ADGRV1: variants seen among roughly 807,000 people sequenced by gnomAD.
ADGRV1 encodes the protein adhesion G protein-coupled receptor V1.
ADGRV1 carries 359 observed loss-of-function variants against 596.2 expected under a neutral mutation model. The observed-to-expected ratio is 0.60, with a 90% confidence interval of 0.55 to 0.66. The LOEUF (loss-of-function observed/expected upper bound fraction) is 0.66. ADGRV1 is among the 30% of genes least tolerant of loss of function. The probability of loss-of-function intolerance (pLI) is 0.00; values close to 1 mark genes in which losing one functional copy is unlikely to be tolerated. For synonymous variants in ADGRV1, 2,681 were observed against 2,679.2 expected (o/e 1.00, Z -0.02); for missense variants, 7,274 against 7,575.6 (o/e 0.96, Z 1.48).
chr5:90,997,988 AC>A (rs1309995855), intron 85 of ADGRV1, among the ~76,000 whole-genome samples: 1 of 152,210 alleles, frequency 6.6e-6, no homozygotes, highest in Non-Finnish European at 1.5e-5. Flanking sequence ...TTACATGTAA[AC>A]AATCAGACAA....
chr5:90,890,695 G>A (rs1770729798), intron 83 of ADGRV1, among the ~76,000 whole-genome samples: 1 of 152,108 alleles, frequency 6.6e-6, no homozygotes, highest in Non-Finnish European at 1.5e-5. Flanking sequence ...TAAATGTCTA[G>A]AAGGGTAATT....
intron 87 of ADGRV1, among the ~76,000 whole-genome samples, chr5:91,123,547 C>G (rs1793505785): frequency 6.6e-6 from 1 of 152,116 alleles, no homozygotes; most frequent in African/African-American, 2.4e-5. Flanking sequence ...CCTCCTAAGG[C>G]CCCACCTTTT....
intron 63 of ADGRV1, 29 bp downstream of exon 63, chr5:90,778,638 T>TA: frequency 6.8e-7 from 1 of 1,468,404 alleles, no homozygotes; most frequent in Non-Finnish European, 9.1e-7. Context: ...AAGATTTTAA[T>TA]ATCATTTTTA....
chr5:91,118,937 T>C (rs919558748), intron 87 of ADGRV1, among the ~76,000 whole-genome samples: 1 of 152,034 alleles, frequency 6.6e-6, no homozygotes, highest in African/African-American at 2.4e-5. Context: ...AACTTATCAT[T>C]TTCTTCTCCT....
intron 84 of ADGRV1, among the ~76,000 whole-genome samples, chr5:90,982,694 G>C (rs1420312359): frequency 6.6e-6 from 1 of 152,170 alleles, no homozygotes; most frequent in Non-Finnish European, 1.5e-5. Flanking sequence ...CAGTCGACCA[G>C]CTTAGACACT....
chr5:90,857,076 A>G (rs765406420), intron 82 of ADGRV1, among the ~76,000 whole-genome samples: 6 of 152,076 alleles, frequency 3.9e-5, no homozygotes, highest in Non-Finnish European at 8.8e-5. Flanking sequence ...ATGTATTTTA[A>G]TTCTGAACCT....
At chr5:90,595,159 G>T (rs1163778764) in intron 1 of ADGRV1, among the ~76,000 whole-genome samples, 1 of 99,806 alleles carries the variant, frequency 1.0e-5, no homozygotes, top group African/African-American at 4.5e-5. Context: ...GGCCGGGTGG[G>T]GGGCTGACCC....
At chr5:90,756,793 T>C in intron 56 of ADGRV1, 163 bp downstream of exon 56, 1 of 748,430 alleles carries the variant, frequency 1.3e-6, no homozygotes, top group Non-Finnish European at 2.1e-6. Context: ...GACCAAAGGA[T>C]TCAACAAGTT....
intron 85 of ADGRV1, among the ~76,000 whole-genome samples, chr5:91,035,234 T>C (rs745419772): frequency 2.6e-5 from 4 of 152,168 alleles, no homozygotes; most frequent in Non-Finnish European, 4.4e-5. Flanking sequence ...TTGAGCTGCC[T>C]CTGGAAAGAA....
chr5:90,837,303 C>G (rs115214917), intron 77 of ADGRV1, among the ~76,000 whole-genome samples: 1 of 151,936 alleles, frequency 6.6e-6, no homozygotes, highest in Non-Finnish European at 1.5e-5. Context: ...CAAGAAAGAC[C>G]ATGTGTTTTC....
chr5:90,617,677 A>G, intron 2 of ADGRV1, 127 bp from the exon 3 acceptor site: 3 of 713,778 alleles, frequency 4.2e-6, no homozygotes, highest in East Asian at 5.8e-5. Flanking sequence ...TTGTTTTTGT[A>G]CACCCTATCT....
At chr5:91,055,809 TA>T (rs776422141) in intron 85 of ADGRV1, among the ~76,000 whole-genome samples, 11 of 152,350 alleles carry the variant, frequency 7.2e-5, no homozygotes, top group Non-Finnish European at 1.6e-4. Context: ...AGCAAGTCTT[TA>T]ATTTAGAGGT....
At chr5:90,801,790 T>G (rs1761403737) in intron 70 of ADGRV1, among the ~76,000 whole-genome samples, 3 of 152,232 alleles carry the variant, frequency 2.0e-5, no homozygotes, top group Admixed American at 2.0e-4. Flanking sequence ...TGGGGGTTAT[T>G]ACCAAGACCA....
chr5:91,011,174 A>G (rs1339541445), intron 85 of ADGRV1, among the ~76,000 whole-genome samples: 5 of 151,966 alleles, frequency 3.3e-5, no homozygotes, highest in Non-Finnish European at 7.4e-5. Flanking sequence ...CATAATAAAA[A>G]TGTTGAGGAC....
At chr5:90,865,687 G>T (rs1379479433) in intron 83 of ADGRV1, among the ~76,000 whole-genome samples, 1 of 152,010 alleles carries the variant, frequency 6.6e-6, no homozygotes, top group East Asian at 1.9e-4. Context: ...ATAGAAAATA[G>T]TTTATTTCAA....
intron 23 of ADGRV1, 111 bp from the exon 24 acceptor site, chr5:90,675,132 C>A (rs994279919): frequency 8.0e-6 from 6 of 748,020 alleles, no homozygotes; most frequent in African/African-American, 5.3e-5. Flanking sequence ...AATAAAGTCC[C>A]TCAGAATTTT....
intron 85 of ADGRV1, among the ~76,000 whole-genome samples, chr5:91,035,585 C>G (rs961103571): frequency 7.3e-5 from 11 of 151,582 alleles, no homozygotes; most frequent in African/African-American, 2.2e-4. Flanking sequence ...ATTTACTAGG[C>G]TAATTTAGTT....
chr5:91,079,506 A>T (rs1191003576), intron 86 of ADGRV1, among the ~76,000 whole-genome samples: 1 of 152,206 alleles, frequency 6.6e-6, no homozygotes, highest in African/African-American at 2.4e-5. Flanking sequence ...AACACTTAGG[A>T]TTTGATACTG....
intron 85 of ADGRV1, among the ~76,000 whole-genome samples, chr5:91,036,555 C>A (rs1784928880): frequency 6.7e-6 from 1 of 150,226 alleles, no homozygotes; most frequent in South Asian, 2.1e-4. Context: ...AAGCGAGACT[C>A]CGTCTTAAAA....
Sources: allele counts gnomAD v4.1 joint callset (sites outside exome capture counted in the v4.1 genomes callset), GRCh38; gene constraint gnomAD v4.1.1; transcripts MANE v1.5; gene names NCBI Gene and HGNC (gene_info 2026-07-23, HGNC 2026-07-21).